ADGRG4: variants seen among roughly 807,000 people sequenced by gnomAD.
ADGRG4 encodes G protein-coupled receptor 112.
In ADGRG4, 122 loss-of-function variants were observed where a neutral mutation model predicts 126.2. The ratio of observed to expected loss-of-function variants is 0.97; its 90% CI spans 0.83 to 1.12. The LOEUF (loss-of-function observed/expected upper bound fraction) is 1.12, where lower values mean the gene tolerates loss of function less well. Ranked by LOEUF, ADGRG4 falls within the 50% of genes most tolerant of loss-of-function variation. The probability of loss-of-function intolerance (pLI) is 0.00; values close to 1 mark genes in which losing one functional copy is unlikely to be tolerated. For missense variants in ADGRG4, 2,481 were observed against 2,251.8 expected, an observed-to-expected ratio of 1.10 and a Z score of -2.06; for synonymous variants, 943 against 838.7, an observed-to-expected ratio of 1.12 and a Z score of -2.15.
At chrX:136,406,123 T>C in intron 23 of ADGRG4, 151 bp downstream of exon 23, 3 of 582,445 alleles carry the variant, frequency 5.2e-6, no homozygotes, top group Non-Finnish European at 7.7e-6. Flanking sequence ...CTCAGTGGTA[T>C]AGGGAGAAGC....
At chrX:136,336,780 C>T (rs1186367950) in intron 5 of ADGRG4, among the ~76,000 whole-genome samples, 1 of 111,893 alleles carries the variant, frequency 8.9e-6, no homozygotes, top group African/African-American at 3.2e-5. Context: ...GTTACTTGAG[C>T]GTACTTTAAT....
At chrX:136,377,039 C>T (rs1255051288) in intron 15 of ADGRG4, among the ~76,000 whole-genome samples, 3 of 110,197 alleles carry the variant, frequency 2.7e-5, no homozygotes, top group African/African-American at 9.9e-5. Context: ...TGTAAGTGTT[C>T]TTTACACATT....
intron 17 of ADGRG4, among the ~76,000 whole-genome samples, chrX:136,392,613 C>T (rs2075325706): frequency 8.9e-6 from 1 of 111,956 alleles, no homozygotes; most frequent in Non-Finnish European, 1.9e-5. Flanking sequence ...TCCCATCACA[C>T]TAAATGACAT....
chrX:136,399,887 C>A lies in ADGRG4; in HGVS notation c.8346C>A (p.Asn2782Lys). 1 of 1,208,298 alleles carries A rather than the reference C, an allele frequency of 8.3e-7. No individual in the cohort carries two copies. Residue 2782 changes from asparagine to lysine, a missense_variant, in exon 21 of 26, where the codon AAC (asparagine) becomes AAA (lysine). By Grantham distance (94) the Asn-to-Lys change is moderately conservative (BLOSUM62 0). Coordinates refer to ENST00000394143, the MANE Select transcript of ADGRG4 (RefSeq NM_153834.4). The stretch of plus-strand genomic sequence containing the variant: ...ATTATCCTGCCAAAATTCTGATCAA[C>A]CTGTGCACAGCACTACTGATGCTAA... The part of the protein sequence containing the change: ...RKDYPAKILI[N>K]LCTALLMLNL...
chrX:136,327,789 A>G (rs906596838), intron 5 of ADGRG4, among the ~76,000 whole-genome samples: 6 of 111,206 alleles, frequency 5.4e-5, no homozygotes, highest in Admixed American at 1.9e-4. Context: ...AAAGCCTATA[A>G]GCTGTTACAA....
chrX:136,345,399 T>C lies in ADGRG4; in HGVS notation c.1693T>C (p.Phe565Leu), dbSNP rs758159588. The change falls in exon 6 of 26, where the codon TTT (phenylalanine) becomes CTT (leucine). Residue 565 changes from phenylalanine (F) to leucine (L), a missense_variant. By Grantham distance (22) the Phe-to-Leu change is conservative. Transcript: ENST00000394143. ...CTTTTCTTTCTTAACATCCTTTTCA[T>C]TTACTGGGACTGAGAGTGTACAGAC... ...KTFSFLTSFS[F>L]TGTESVQTVI... is the part of the protein sequence containing the mutation. 1.3e-5 allele frequency: 16 copies of C among 1,210,095 alleles called. No homozygotes were observed. In the East Asian group the frequency reaches 4.4e-4, roughly 34 times the overall value.
chrX:136,394,052 G>A (rs749501436), intron 18 of ADGRG4, among the ~76,000 whole-genome samples: 3 of 111,581 alleles, frequency 2.7e-5, no homozygotes, highest in Non-Finnish European at 5.7e-5. Flanking sequence ...ACAGGGTTTT[G>A]CAAGATCTAT....
At chrX:136,380,810 C>G (rs1321156696) in intron 15 of ADGRG4, among the ~76,000 whole-genome samples, 4 of 108,786 alleles carry the variant, frequency 3.7e-5, no homozygotes, top group African/African-American at 1.3e-4. Flanking sequence ...CTCCTGGACT[C>G]AAGCAATCCT....
At chrX:136,356,080 G>A (rs774389151) in intron 8 of ADGRG4, 46 bp from the exon 9 acceptor site, 13 of 997,612 alleles carry the variant, frequency 1.3e-5, no homozygotes, top group Non-Finnish European at 1.8e-5. Context: ...TGTATACTTG[G>A]TACTATATTT....
chrX:136,387,693 A>G, intron 15 of ADGRG4, 47 bp from the exon 16 acceptor site: 3 of 1,167,087 alleles, frequency 2.6e-6, no homozygotes, highest in South Asian at 3.8e-5. Context: ...GGACTTCACT[A>G]TGATGAATGA....
intron 10 of ADGRG4, among the ~76,000 whole-genome samples, chrX:136,358,044 G>C (rs773568812): frequency 9.0e-6 from 1 of 111,647 alleles, no homozygotes; most frequent in African/African-American, 3.3e-5. Context: ...TGGTCAAAAA[G>C]GTCCACGAAA....
chrX:136,319,651 G>A (rs915428693), intron 4 of ADGRG4, among the ~76,000 whole-genome samples: 3 of 110,702 alleles, frequency 2.7e-5, no homozygotes, highest in Non-Finnish European at 3.8e-5. Context: ...TTATGTCTAA[G>A]CAGAATTTAC....
chrX:136,403,167 A>G (rs977926675), intron 21 of ADGRG4, 77 bp from the exon 22 acceptor site: 7 of 724,834 alleles, frequency 9.7e-6, no homozygotes, highest in Admixed American at 6.8e-5. Context: ...GTCTTAATGT[A>G]TCATCACCCA....
At chrX:136,369,449 T>C (rs758215694) in intron 13 of ADGRG4, among the ~76,000 whole-genome samples, 10 of 111,855 alleles carry the variant, frequency 8.9e-5, no homozygotes, top group Admixed American at 6.7e-4. Flanking sequence ...TTAGCTTGAA[T>C]TTTCCTTAAA....
Position 136,349,952 on chromosome X carries a change from T to C in ADGRG4, c.6246T>C (p.Thr2082=). 8.3e-7 allele frequency: 1 copy of C among 1,210,596 alleles called. No homozygotes were observed. The highest frequency in any genetic ancestry group is 1.8e-5 in the South Asian group (1 of 56,914). The part of the protein sequence containing the change: ...IPTPTLGGIT[T]GFPTSLPMSI... The stretch of plus-strand genomic sequence containing the variant: ...CACCTACACTGGGTGGTATCACTAC[T>C]GGCTTCCCAACTTCTCTCCCTATGT... The change falls in exon 6 of 26, where the codon ACT becomes ACC. Residue 2082 remains threonine, a synonymous_variant. Coordinates refer to ENST00000394143, the MANE Select transcript of ADGRG4 (RefSeq NM_153834.4).
intron 4 of ADGRG4, among the ~76,000 whole-genome samples, chrX:136,315,702 G>GAAATA (rs1460827549): frequency 6.3e-5 from 7 of 111,579 alleles, no homozygotes; most frequent in South Asian, 7.7e-4. Context: ...ATCTTCTTTG[G>GAAATA]AAATAGAGTC....
At chrX:136,311,810 G>T (rs1308417531) in intron 4 of ADGRG4, among the ~76,000 whole-genome samples, 2 of 110,960 alleles carry the variant, frequency 1.8e-5, no homozygotes, top group African/African-American at 6.6e-5. Flanking sequence ...AAAGGTGTTT[G>T]TGTAGCCAGG....
At chrX:136,404,945 A>G (rs1226921564) in intron 22 of ADGRG4, among the ~76,000 whole-genome samples, 1 of 112,416 alleles carries the variant, frequency 8.9e-6, no homozygotes, top group Non-Finnish European at 1.9e-5. Context: ...AAGTTGACAC[A>G]CAGTTAAATT....
intron 19 of ADGRG4, among the ~76,000 whole-genome samples, chrX:136,397,491 C>CTTTT (rs1184936316): frequency 5.1e-4 from 26 of 50,561 alleles, no homozygotes; most frequent in East Asian, 7.2e-4. Context: ...AGGAAAAGGA[C>CTTTT]TTTTTTTTTT....
Sources: allele counts gnomAD v4.1 joint callset (sites outside exome capture counted in the v4.1 genomes callset), GRCh38; gene constraint gnomAD v4.1.1; transcripts MANE v1.5; gene names NCBI Gene and HGNC (gene_info 2026-07-23, HGNC 2026-07-21).